The following RELN variants were observed in gnomAD, a reference collection of about 807,000 sequenced individuals.
RELN encodes reelin.
Under a neutral mutation model 427.6 loss-of-function variants are expected in RELN, and 108 were observed. That is an observed-to-expected ratio of 0.25 (90% CI 0.22 to 0.30). The LOEUF is 0.30. Ranked by LOEUF, RELN falls within the 10% of genes least tolerant of loss-of-function variation. The pLI is 1.00. For synonymous variants in RELN, 1,524 were observed against 1,513.4 expected (o/e 1.01, Z -0.16); for missense variants, 3,715 against 4,302.8 (o/e 0.86, Z 3.82).
intron 6 of RELN, among the ~76,000 whole-genome samples, chr7:103,739,641 T>C (rs982458413): frequency 6.6e-6 from 1 of 152,234 alleles, no homozygotes; most frequent in Non-Finnish European, 1.5e-5. Context: ...GCTACCATTA[T>C]ATTCACATGA....
chr7:103,845,686 A>G (rs1404026757), intron 2 of RELN, among the ~76,000 whole-genome samples: 3 of 152,172 alleles, frequency 2.0e-5, no homozygotes, highest in Non-Finnish European at 2.9e-5. Flanking sequence ...AGGATACAAA[A>G]TCAATGTGCA....
At chr7:103,588,255 A>G (rs771417707) in intron 28 of RELN, among the ~76,000 whole-genome samples, 3 of 152,196 alleles carry the variant, frequency 2.0e-5, no homozygotes, top group Non-Finnish European at 4.4e-5. Context: ...ATTTCATGTG[A>G]AATAAGCCAG....
chr7:103,872,129 T>C (rs1041153790), intron 2 of RELN, among the ~76,000 whole-genome samples: 3 of 142,950 alleles, frequency 2.1e-5, no homozygotes, highest in African/African-American at 5.0e-5. Flanking sequence ...TAGTTACATA[T>C]GTATACATGT....
intron 22 of RELN, among the ~76,000 whole-genome samples, chr7:103,605,550 G>C (rs967993306): frequency 6.6e-6 from 1 of 152,118 alleles, no homozygotes. Context: ...TAAAATTATA[G>C]CATATTTTTC....
Position 103,486,259 on chromosome 7 carries a change from C to T in RELN, c.9921G>A (p.Leu3307=). Residue 3307 remains leucine (L), a synonymous_variant, in exon 61 of 65, where the codon CTG becomes CTA. Transcript: ENST00000428762. ...GCCTGATCTGACAGCCATTAAAGTA[C>T]AGTGAGTCTCCATGGGCGTAGGGGG... is the stretch of plus-strand genomic sequence containing the variant. ...QLAPYAHGDS[L]YFNGCQIRQA... The T allele has an allele frequency of 1.2e-6, 2 of 1,614,196 alleles. No homozygotes were observed. Among genetic ancestry groups the T allele is most frequent in the Non-Finnish European group, 1.7e-6 (2 of 1,180,026 alleles).
chr7:103,595,864 G>A (rs1379432919), intron 25 of RELN, among the ~76,000 whole-genome samples: 4 of 151,962 alleles, frequency 2.6e-5, no homozygotes, highest in Non-Finnish European at 5.9e-5. Context: ...ACATTGCCTG[G>A]TACTGGTATT....
intron 60 of RELN, among the ~76,000 whole-genome samples, chr7:103,489,364 CAGGAAGGAGGGA>C (rs1828570232): frequency 6.6e-6 from 1 of 151,890 alleles, no homozygotes; most frequent in Non-Finnish European, 1.5e-5. Context: ...GCAGCTAGGC[CAGGAAGGAGGGA>C]GGCCCAGAAG....
intron 24 of RELN, among the ~76,000 whole-genome samples, chr7:103,597,925 G>T (rs1831575716): frequency 6.6e-6 from 1 of 152,196 alleles, no homozygotes; most frequent in African/African-American, 2.4e-5. Flanking sequence ...CACCTAAACA[G>T]ATTCTTCCAA....
chr7:103,496,385 G>A (rs1828841741), intron 56 of RELN, 141 bp downstream of exon 56: 4 of 1,172,176 alleles, frequency 3.4e-6, no homozygotes, highest in Non-Finnish European at 3.8e-6. Context: ...AAACCACTGG[G>A]CAAAATAACA....
chr7:103,975,598 A>G (rs1796859405), intron 1 of RELN, among the ~76,000 whole-genome samples: 1 of 150,360 alleles, frequency 6.7e-6, no homozygotes, highest in African/African-American at 2.4e-5. Context: ...CCCAGGCTGG[A>G]GTAGTGGTGC....
Position 103,635,486 on chromosome 7 carries a change from C to T in RELN, c.2404G>A (p.Asp802Asn), listed in dbSNP as rs1832559688. 1.2e-6 allele frequency: 2 copies of T among 1,613,704 alleles called. No homozygotes were observed. Among genetic ancestry groups the T allele is most frequent in the African/African-American group, 1.3e-5 (1 of 74,892 alleles). Residue 802 changes from aspartate (D) to asparagine (N), a missense_variant, in exon 19 of 65, where the codon GAT (aspartate) becomes AAT (asparagine). Transcript: ENST00000428762. ...GEGVLLHYSY[D>N]NGITWKLLEH... Reference sequence around the variant, plus strand: ...AGGAGTTTCCAAGTTATCCCATTATCATAAGAATAATGCAACAAAACTCCT... The same window carrying T: ...AGGAGTTTCCAAGTTATCCCATTATTATAAGAATAATGCAACAAAACTCCT...
At position 103,626,558 on chromosome 7, in the gene RELN, C is replaced by T. The variant is rs1237505356; in HGVS notation, c.2702+3382G>A. On this transcript the variant is annotated intron_variant, in intron 20 of 64. Coordinates refer to ENST00000428762, the MANE Select transcript of RELN (RefSeq NM_005045.4). The surrounding 1 kb of genome is among the most constrained non-coding windows in gnomAD (Gnocchi z 4.4). ...TAGAGATGGCGTTTTACCATGTTGG[C>T]CAGGCTGGTCTTTGAATTCCTGGCC... Among the ~76,000 whole-genome samples the T allele has an allele frequency of 6.6e-6, 1 of 152,070 alleles. No homozygotes were observed. The highest frequency in any genetic ancestry group is 1.5e-5 in the Non-Finnish European group (1 of 67,990).
intron 8 of RELN, among the ~76,000 whole-genome samples, chr7:103,710,993 G>A (rs993042924): frequency 2.0e-5 from 3 of 152,288 alleles, no homozygotes; most frequent in Admixed American, 6.5e-5. Context: ...GCAGTGAGCC[G>A]AGAGCACGCC....
intron 28 of RELN, among the ~76,000 whole-genome samples, chr7:103,582,838 C>T (rs572204040): frequency 2.0e-4 from 30 of 152,222 alleles, no homozygotes; most frequent in Admixed American, 2.6e-4. Flanking sequence ...GGTTATGTTG[C>T]GGCAACAAAC....
rs753877347 is a variant in RELN, at chr7:103,483,819, T to G, written c.10015A>C (p.Met3339Leu). The change falls in exon 62 of 65, where the codon ATG (methionine) becomes CTG (leucine). Residue 3339 changes from methionine (M) to leucine (L), a missense_variant. Met to Leu is a conservative substitution (Grantham distance 15). Transcript: ENST00000428762. ...KIMFVLQIGSMSQTDSCNSDL... is the reference protein window; with the variant it reads ...KIMFVLQIGSLSQTDSCNSDL... The stretch of plus-strand genomic sequence containing the variant: ...CTGTTGCAGCTGTCCGTCTGCGACA[T>G]GCTCCCAATTTGCAAAACAAACATG... The G allele has an allele frequency of 4.3e-6, 7 of 1,613,900 alleles. No homozygotes were observed. The African/African-American group carries it at 8.0e-5, about 18-fold the overall frequency.
intron 1 of RELN, among the ~76,000 whole-genome samples, chr7:103,966,230 G>A (rs564898698): frequency 1.7e-5 from 1 of 60,224 alleles, no homozygotes; most frequent in Non-Finnish European, 3.7e-5. Flanking sequence ...GCTTTTTCCA[G>A]TTCTGGCTCG....
At chr7:103,627,935 T>G (rs895788645) in intron 20 of RELN, 1 of 152,196 alleles carries the variant, frequency 6.6e-6, no homozygotes, top group Non-Finnish European at 1.5e-5. Context: ...TCAATGCAAG[T>G]GTTAAATTAA....
At chr7:103,517,574 C>G (rs1215905234) in intron 49 of RELN, among the ~76,000 whole-genome samples, 1 of 152,116 alleles carries the variant, frequency 6.6e-6, no homozygotes, top group African/African-American at 2.4e-5. Context: ...CTTAAGTGTT[C>G]AGGAACTCAC....
chr7:103,632,217 T>C (rs143110633), intron 19 of RELN, among the ~76,000 whole-genome samples: 1 of 152,350 alleles, frequency 6.6e-6, no homozygotes, highest in East Asian at 1.9e-4. Flanking sequence ...TTTGTAACTG[T>C]AGATAAAGCA....
Sources: gnomAD v4.1 joint callset for allele counts (sites outside exome capture counted in the v4.1 genomes callset) on GRCh38, gnomAD v4.1.1 for gene constraint, Gnocchi (gnomAD v3.1) non-coding constraint, MANE v1.5 for transcripts, NCBI Gene and HGNC (gene_info 2026-07-23, HGNC 2026-07-21) for gene names.